Variants in LMTK3 observed in about 807,000 individuals in gnomAD.
The protein encoded by LMTK3 is serine/threonine-protein kinase LMTK3.
LMTK3 carries 27 observed loss-of-function variants against 116.7 expected under a neutral mutation model. The ratio of observed to expected loss-of-function variants is 0.23; its 90% confidence interval spans 0.17 to 0.32. The LOEUF (loss-of-function observed/expected upper bound fraction) is 0.32, where lower values mean the gene tolerates loss of function less well. LMTK3 is among the 10% of genes least tolerant of loss of function. The probability of loss-of-function intolerance (pLI) is 1.00; values close to 1 mark genes in which losing one functional copy is unlikely to be tolerated. For synonymous variants in LMTK3, 965 were observed against 971.0 expected (o/e 0.99, Z 0.11); for missense variants, 1,764 against 2,068.5 (o/e 0.85, Z 2.86).
intron 11 of LMTK3, among the ~76,000 whole-genome samples, chr19:48,496,558 CA>C (rs1972329966): frequency 1.3e-5 from 2 of 152,256 alleles, no homozygotes; most frequent in African/African-American, 4.8e-5. Context: ...CTCGGCCTCC[CA>C]AAGTGCTGGG....
Position 48,500,721 on chromosome 19 carries a change from G to C in LMTK3, c.1151+275C>G, listed in dbSNP as rs1972449852. Among the ~76,000 whole-genome samples, 1 of 152,318 alleles carries C rather than the reference G, an allele frequency of 6.6e-6. No homozygotes were observed. The highest frequency in any genetic ancestry group is 1.9e-4 in the East Asian group (1 of 5,188). ...ATGGGAACGGCTGGTGAGGGTAGTG[G>C]TGTCCCTGTTTGCGCTGTGAGCTCT... On this transcript the variant is annotated intron_variant, in intron 10 of 14. Transcript: ENST00000600059. The surrounding 1 kb of genome is among the most constrained non-coding windows in gnomAD (Gnocchi z 4.0).
At position 48,497,841 on chromosome 19, in the gene LMTK3, G is replaced by T; in HGVS notation, c.3228C>A (p.Gly1076=). 7.0e-7 allele frequency: 1 copy of T among 1,419,820 alleles called. No homozygotes were observed. The highest frequency in any genetic ancestry group is 9.2e-7 in the Non-Finnish European group (1 of 1,092,396). 88.0% of individuals were successfully genotyped at this position (1,419,820 alleles called of 1,614,324 possible). A position where few individuals can be genotyped will look rare whatever the true frequency, so the allele number is the denominator to read the frequency against. Residue 1076 remains glycine, a synonymous_variant, in exon 11 of 15, where the codon GGC becomes GGA. Transcript: ENST00000600059. The surrounding 1 kb of genome is among the most constrained non-coding windows in gnomAD (Gnocchi z 5.7). ...CCAGCGTCCCGTTCTTGGGGGCTGG[G>T]CCAAGGGGGCCAGGGGCTGTCTCCC... is the stretch of plus-strand genomic sequence containing the variant. The part of the protein sequence containing the change: ...NGGETAPGPL[G]PAPKNGTLEP...
intron 5 of LMTK3, among the ~76,000 whole-genome samples, chr19:48,507,753 C>T (rs973683600): frequency 2.0e-5 from 3 of 152,236 alleles, no homozygotes; most frequent in South Asian, 4.1e-4. Flanking sequence ...CGGGACTACA[C>T]GAGTATACCA....
Position 48,494,114 on chromosome 19 carries a change from G to T in LMTK3, c.3677-5C>A. On this transcript the variant is annotated splice_region_variant and splice_polypyrimidine_tract_variant and intron_variant, in intron 11 of 14. Transcript: ENST00000600059. The surrounding 1 kb of genome is among the most constrained non-coding windows in gnomAD (Gnocchi z 4.0). Reference sequence around the variant, plus strand: ...GCGAGAGCCGGGAGAGCCTGGCTGCGAGGGGAGAGACCTGGTGAGCCCCTG... The same window carrying T: ...GCGAGAGCCGGGAGAGCCTGGCTGCTAGGGGAGAGACCTGGTGAGCCCCTG... 5 of 1,197,020 alleles carry T rather than the reference G, an allele frequency of 4.2e-6. No individual in the cohort carries two copies. The South Asian group carries it at 2.1e-4, about 50-fold the overall frequency. 74.1% of individuals were successfully genotyped at this position (1,197,020 alleles called of 1,614,324 possible). A position where few individuals can be genotyped will look rare whatever the true frequency, so the allele number is the denominator to read the frequency against.
At chr19:48,513,443 G>C (rs1481497215), upstream of LMTK3, 3 of 536,066 alleles carry the variant, frequency 5.6e-6, no homozygotes, top group South Asian at 2.1e-5. This position sits in a 1 kb window ranked among gnomAD's most constrained non-coding sequence, Gnocchi z 5.6. Context: ...CGGTCCATCG[G>C]GGACACCGAC....
chr19:48,510,907 G>A (rs1028137180), intron 1 of LMTK3, among the ~76,000 whole-genome samples: 1 of 152,154 alleles, frequency 6.6e-6, no homozygotes, highest in Admixed American at 6.5e-5. Flanking sequence ...TGATAGTGAA[G>A]TCTGGAGCTT....
chr19:48,502,930 C>T lies in LMTK3; in HGVS notation c.624G>A (p.Leu208=), dbSNP rs760965356. ...TCACCAGTTGACAGAACTCCATAAT[C>T]AGCAGAAACGGCAGCGTCTCCACGC... ...GLCVETLPFL[L]IMEFCQLGDL... The change falls in exon 6 of 15, where the codon CTG becomes CTA. Residue 208 remains leucine (L), a synonymous_variant. Transcript: ENST00000600059. 32 of 1,612,678 alleles carry T rather than the reference C, an allele frequency of 2.0e-5. No homozygotes were observed. Among genetic ancestry groups the T allele is most frequent in the Middle Eastern group, 3.3e-4 (2 of 6,076 alleles).
intron 14 of LMTK3, among the ~76,000 whole-genome samples, chr19:48,486,528 TTTG>T (rs551451947): frequency 2.0e-5 from 3 of 150,968 alleles, no homozygotes; most frequent in African/African-American, 4.9e-5. Flanking sequence ...TGTCCTTGGT[TTTG>T]TTGTTGTTGT....
rs749357838 is a variant in LMTK3 at position 48,498,066 on chromosome 19, G to T, written c.3003C>A (p.Asp1001Glu). 1.9e-6 allele frequency: 3 copies of T among 1,612,720 alleles called. No homozygotes were observed. The highest frequency in any genetic ancestry group is 1.7e-5 in the Admixed American group (1 of 59,982). The part of the protein sequence containing the change: ...NGGLTPPKSE[D>E]KVSENGGLRF... ...TCAGGCCCCCATTCTCTGACACCTT[G>T]TCCTCGCTCTTTGGGGGTGTCAGGC... is the stretch of plus-strand genomic sequence containing the variant. The change falls in exon 11 of 15, where the codon GAC becomes GAA. Residue 1001 changes from aspartate (D) to glutamate (E), a missense_variant. By Grantham distance (45) the Asp-to-Glu change is conservative. This residue lies in a region of LMTK3 where 1,028 missense variants were observed against 1,050.6 expected (regional missense o/e 0.98). Coordinates refer to ENST00000600059, the MANE Select transcript of LMTK3 (RefSeq NM_001388485.1).
chr19:48,502,954 G>A lies in LMTK3; in HGVS notation c.600C>T (p.Cys200=), dbSNP rs750852730. The part of the protein sequence containing the change: ...HPNVLQCLGL[C]VETLPFLLIM... The stretch of plus-strand genomic sequence containing the variant: ...TCAGCAGAAACGGCAGCGTCTCCAC[G>A]CACAGACCCAGGCACTGGAGGACAT... Residue 200 remains cysteine, a synonymous_variant, in exon 6 of 15, where the codon TGC becomes TGT. Transcript: ENST00000600059. 21 of 1,612,942 alleles carry A rather than the reference G, an allele frequency of 1.3e-5. No homozygotes were observed. The East Asian group carries it at 2.2e-4, about 17-fold the overall frequency.
chr19:48,493,580 C>A, intron 12 of LMTK3, 114 bp downstream of exon 12: 1 of 1,299,894 alleles, frequency 7.7e-7, no homozygotes, highest in African/African-American at 1.6e-5. Flanking sequence ...AGCTCCGCCT[C>A]CCTCCAGGCC....
At chr19:48,506,726 G>A (rs10417886) in intron 5 of LMTK3, among the ~76,000 whole-genome samples, 7,529 of 152,232 alleles carry the variant, frequency 0.049, 229 homozygotes, top group Middle Eastern at 0.2. Flanking sequence ...GTACAGTGGT[G>A]TGATCTTGGC....
At chr19:48,501,189 C>T (rs777950435) in intron 9 of LMTK3, 44 bp from the exon 10 acceptor site, 11 of 1,604,596 alleles carry the variant, frequency 6.9e-6, no homozygotes, top group Admixed American at 1.7e-5. Flanking sequence ...CTGACCCACC[C>T]GGGCCTCATT....
intron 12 of LMTK3, 74 bp downstream of exon 12, chr19:48,493,620 A>G: frequency 2.4e-6 from 3 of 1,247,994 alleles, no homozygotes; most frequent in Non-Finnish European, 3.1e-6. Flanking sequence ...GCCTCCCGCC[A>G]GGCCCTTCCC....
rs1226585125 is a variant in LMTK3 at position 48,502,543 on chromosome 19, G to T, written c.684C>A (p.Pro228=). 2 of 1,585,282 alleles carry T rather than the reference G, an allele frequency of 1.3e-6. No homozygotes were observed. Among genetic ancestry groups the T allele is most frequent in the East Asian group, 2.3e-5 (1 of 43,390 alleles). ...LKRYLRAQRP[P]EGLSPELPPR... The stretch of plus-strand genomic sequence containing the variant: ...GGGGTAGCTCAGGGGACAGGCCCTC[G>T]GGGGGCCGCTGGGCTCGGAGGTAAC... The change falls in exon 7 of 15, where the codon CCC becomes CCA. Residue 228 remains proline (P), a synonymous_variant. Coordinates refer to ENST00000600059, the MANE Select transcript of LMTK3 (RefSeq NM_001388485.1).
rs1799285 is a variant in LMTK3, at chr19:48,498,270, G to A, written c.2799C>T (p.Asp933=). 9.0e-4 allele frequency: 1,456 copies of A among 1,613,250 alleles called. 11 individuals carry two copies. In the African/African-American group the frequency reaches 0.016, roughly 18 times the overall value. ...TCTCCTCGATGCCTGGGGCTCTCTG[G>A]TCCCCGTTCTCCAGCACTGTCACCC... ...VNGVTVLENG[D]QRAPGIEEKA... Residue 933 remains aspartate (D), a synonymous_variant, in exon 11 of 15, where the codon GAC becomes GAT. Transcript: ENST00000600059.
chr19:48,509,356 G>A (rs970916570), intron 4 of LMTK3, 81 bp downstream of exon 4: 4 of 1,302,600 alleles, frequency 3.1e-6, no homozygotes, highest in Admixed American at 4.0e-5. Flanking sequence ...ATGAGAAGTG[G>A]TGAGAGCAGG....
At chr19:48,502,189 C>T (rs1357633523) in intron 7 of LMTK3, among the ~76,000 whole-genome samples, 2 of 142,980 alleles carry the variant, frequency 1.4e-5, no homozygotes, top group Admixed American at 6.9e-5. Flanking sequence ...CTCTCCTGAC[C>T]CCTTTTCCTC....
chr19:48,497,167 C>T lies in LMTK3; in HGVS notation c.3676+226G>A, dbSNP rs1248265703. On this transcript the variant is annotated intron_variant, in intron 11 of 14. Coordinates refer to ENST00000600059, the MANE Select transcript of LMTK3 (RefSeq NM_001388485.1). This position sits in a 1 kb window ranked among gnomAD's most constrained non-coding sequence, Gnocchi z 5.7. ...TGACGTAGGTTCTATCCCTGCCATCCGTTTTTGGCAGATGGGTAAACTGAG... is the reference window on the plus strand; with the variant it reads ...TGACGTAGGTTCTATCCCTGCCATCTGTTTTTGGCAGATGGGTAAACTGAG... Among the ~76,000 whole-genome samples the T allele has an allele frequency of 1.3e-5, 2 of 152,210 alleles. No homozygotes were observed. Among genetic ancestry groups the T allele is most frequent in the Non-Finnish European group, 2.9e-5 (2 of 68,040 alleles).
Sources: gnomAD v4.1 joint callset for allele counts (sites outside exome capture counted in the v4.1 genomes callset) on GRCh38, gnomAD v4.1.1 for gene constraint, gnomAD v4.1.1 regional missense constraint, Gnocchi (gnomAD v3.1) non-coding constraint, MANE v1.5 for transcripts, NCBI Gene and HGNC (gene_info 2026-07-23, HGNC 2026-07-21) for gene names.